FMN2: variants seen among roughly 807,000 people sequenced by gnomAD.
The protein encoded by FMN2 is formin-2.
In FMN2, 51 loss-of-function variants were observed where a neutral mutation model predicts 142.3. The ratio of observed to expected loss-of-function variants is 0.36; its 90% CI spans 0.29 to 0.45. The LOEUF is 0.45. Among genes scored for constraint, FMN2 ranks in the 20% least tolerant of loss-of-function variants. The pLI is 1.00. For missense variants in FMN2, 1,936 were observed against 2,122.8 expected, an observed-to-expected ratio of 0.91 and a Z score of 1.73; for synonymous variants, 882 against 869.8, an observed-to-expected ratio of 1.01 and a Z score of -0.25.
At chr1:240,201,052 C>T (rs908866518) in intron 4 of FMN2, among the ~76,000 whole-genome samples, 2 of 152,108 alleles carry the variant, frequency 1.3e-5, no homozygotes, top group African/African-American at 4.8e-5. Flanking sequence ...ACCTTTGAAG[C>T]TTATGGGGTA....
intron 6 of FMN2, among the ~76,000 whole-genome samples, chr1:240,240,293 G>A (rs1667849962): frequency 6.6e-6 from 1 of 152,116 alleles, no homozygotes; most frequent in Non-Finnish European, 1.5e-5. Flanking sequence ...CACTTCTGCT[G>A]TAAAATGTGG....
intron 8 of FMN2, among the ~76,000 whole-genome samples, chr1:240,302,454 G>T (rs138615538): frequency 2.0e-5 from 3 of 152,018 alleles, no homozygotes; most frequent in Non-Finnish European, 4.4e-5. Flanking sequence ...AAGTAAACTG[G>T]TATGTCCAAT....
At chr1:240,461,184 G>A (rs879830420) in intron 16 of FMN2, among the ~76,000 whole-genome samples, 2 of 152,148 alleles carry the variant, frequency 1.3e-5, no homozygotes, top group Non-Finnish European at 1.5e-5. Flanking sequence ...GAAAGCGAAC[G>A]CTCTGGAAGT....
intron 6 of FMN2, among the ~76,000 whole-genome samples, chr1:240,234,161 G>C (rs1019862511): frequency 2.0e-5 from 3 of 151,984 alleles, no homozygotes; most frequent in Non-Finnish European, 4.4e-5. Flanking sequence ...GTGCCAGCTG[G>C]TTTTTCTAGG....
chr1:240,470,974 TAATG>T (rs1258564658), intron 16 of FMN2, among the ~76,000 whole-genome samples: 1 of 152,216 alleles, frequency 6.6e-6, no homozygotes, highest in African/African-American at 2.4e-5. Context: ...TGTGCAGTGA[TAATG>T]AAGATAATTT....
At chr1:240,148,329 GAC>G (rs1020855816) in intron 2 of FMN2, among the ~76,000 whole-genome samples, 8 of 148,978 alleles carry the variant, frequency 5.4e-5, no homozygotes, top group African/African-American at 2.0e-4. Flanking sequence ...GAAACAGAGA[GAC>G]AGACAGATAA....
At chr1:240,178,544 C>T (rs746978364) in intron 3 of FMN2, among the ~76,000 whole-genome samples, 2 of 151,278 alleles carry the variant, frequency 1.3e-5, no homozygotes, top group African/African-American at 2.4e-5. Context: ...CTGGCTCAAG[C>T]GATTCTCCCA....
chr1:240,111,557 A>G (rs1206772216), intron 1 of FMN2, among the ~76,000 whole-genome samples: 12 of 152,100 alleles, frequency 7.9e-5, no homozygotes, highest in Non-Finnish European at 1.6e-4. Flanking sequence ...CACTGGTGGG[A>G]GTGTAACATG....
chr1:240,282,416 C>T (rs773400889), intron 7 of FMN2, among the ~76,000 whole-genome samples: 4 of 152,128 alleles, frequency 2.6e-5, no homozygotes, highest in Non-Finnish European at 4.4e-5. Flanking sequence ...AGCTTTTAAT[C>T]AGAAGAGAGT....
intron 1 of FMN2, among the ~76,000 whole-genome samples, chr1:240,101,805 A>G (rs1661426363): frequency 6.7e-6 from 1 of 149,714 alleles, no homozygotes; most frequent in African/African-American, 2.5e-5. Flanking sequence ...TATAATGATT[A>G]TGTATGATGG....
intron 2 of FMN2, among the ~76,000 whole-genome samples, chr1:240,133,190 G>C (rs1462223311): frequency 6.6e-6 from 1 of 152,118 alleles, no homozygotes; most frequent in African/African-American, 2.4e-5. Flanking sequence ...TTTTGAGACA[G>C]CATCTTGCTC....
At chr1:240,337,437 C>T (rs938011649) in intron 13 of FMN2, among the ~76,000 whole-genome samples, 8 of 151,842 alleles carry the variant, frequency 5.3e-5, no homozygotes, top group African/African-American at 2.4e-5. Context: ...AGGCTGGTCT[C>T]GAACTCCTGA....
intron 2 of FMN2, among the ~76,000 whole-genome samples, chr1:240,165,415 A>G (rs1371215491): frequency 2.0e-5 from 3 of 152,064 alleles, no homozygotes; most frequent in African/African-American, 7.2e-5. Flanking sequence ...GACTCAAGCA[A>G]TCCTCCCAAC....
intron 14 of FMN2, among the ~76,000 whole-genome samples, chr1:240,356,560 A>G (rs1672280785): frequency 6.6e-6 from 1 of 152,210 alleles, no homozygotes; most frequent in African/African-American, 2.4e-5. Flanking sequence ...TTAAGTCTTG[A>G]TGTTTGAAAT....
intron 2 of FMN2, among the ~76,000 whole-genome samples, chr1:240,174,202 T>C (rs1027671203): frequency 2.0e-5 from 3 of 152,114 alleles, no homozygotes; most frequent in African/African-American, 4.8e-5. Context: ...TGGAAAATAT[T>C]AGGAGGGCAA....
chr1:240,301,123 A>G (rs955776434), intron 8 of FMN2, among the ~76,000 whole-genome samples: 4 of 147,476 alleles, frequency 2.7e-5, no homozygotes, highest in African/African-American at 9.9e-5. Flanking sequence ...TTCCTACCTT[A>G]TTATTTACAT....
rs1297261783 is a variant in FMN2, at chr1:240,400,817, C to CAA, written c.4910+8256_4910+8257dup. On this transcript the variant is annotated intron_variant, in intron 15 of 17. Coordinates refer to ENST00000319653, the MANE Select transcript of FMN2 (RefSeq NM_020066.5). ...TCCCCCCGACCACCACACACACACA[C>CAA]AATTGAAACAAAATACATACACAGG... is the stretch of plus-strand genomic sequence containing the variant. The CAA allele has an allele frequency of 2.9e-3, 444 of 152,162 alleles. 1 individual carries two copies. The highest frequency in any genetic ancestry group is 4.4e-3 in the Non-Finnish European group (302 of 68,032). The allele number at this position is 152,162 out of a possible 1,614,324, so 9.4% of individuals were successfully genotyped here.
chr1:240,415,737 T>C (rs1054324734), intron 15 of FMN2, among the ~76,000 whole-genome samples: 1 of 152,294 alleles, frequency 6.6e-6, no homozygotes, highest in African/African-American at 2.4e-5. Flanking sequence ...GAAGTAGGCC[T>C]GAAGTTTGCA....
At chr1:240,285,245 C>G (rs1363061335) in intron 7 of FMN2, 1 of 454,846 alleles carries the variant, frequency 2.2e-6, no homozygotes, top group African/African-American at 2.0e-5. Context: ...GAAGCCAACA[C>G]GATTCATGAT....
Sources: allele counts gnomAD v4.1 joint callset (sites outside exome capture counted in the v4.1 genomes callset), GRCh38; gene constraint gnomAD v4.1.1; transcripts MANE v1.5; gene names NCBI Gene and HGNC (gene_info 2026-07-23, HGNC 2026-07-21).